HADH: variants seen among roughly 807,000 people sequenced by gnomAD.
HADH encodes hydroxyacyl-CoA dehydrogenase.
HADH carries 24 observed loss-of-function variants against 32.2 expected under a neutral mutation model. That is an observed-to-expected ratio of 0.75 (90% CI 0.54 to 1.05). The LOEUF (loss-of-function observed/expected upper bound fraction) is 1.05, where lower values mean the gene tolerates loss of function less well. Ranked by LOEUF, HADH falls within the 50% of genes least tolerant of loss-of-function variation. The probability of loss-of-function intolerance (pLI) is 0.00; values close to 1 mark genes in which losing one functional copy is unlikely to be tolerated. For synonymous variants in HADH, 139 were observed against 152.5 expected, an observed-to-expected ratio of 0.91 and a Z score of 0.65; for missense variants, 350 against 397.1, an observed-to-expected ratio of 0.88 and a Z score of 1.01.
At chr4:107,990,788 A>G (rs930305070) in intron 1 of HADH, among the ~76,000 whole-genome samples, 1 of 116,662 alleles carries the variant, frequency 8.6e-6, no homozygotes, top group Non-Finnish European at 1.6e-5. Context: ...TCTTTGACCC[A>G]GGCTGGAGTG....
At position 108,033,231 on chromosome 4, in the gene HADH, C is replaced by G. The variant is rs1736338876; in HGVS notation, c.765C>G (p.Pro255=). Residue 255 remains proline, a synonymous_variant, in exon 7 of 8, where the codon CCC becomes CCG. Transcript: ENST00000309522. ...CTATGAAATTAGGAGCCGGTTACCC[C>G]ATGGGCCCATTTGAGCTTCTAGATT... ...DTAMKLGAGY[P]MGPFELLDYV... The G allele has an allele frequency of 6.2e-7, 1 of 1,610,672 alleles. No individual in the cohort carries two copies. The highest frequency in any genetic ancestry group is 1.3e-5 in the African/African-American group (1 of 74,834).
At chr4:108,032,149 T>A (rs1317386517) in intron 6 of HADH, 4 of 479,676 alleles carry the variant, frequency 8.3e-6, no homozygotes, top group Non-Finnish European at 1.5e-5. Flanking sequence ...TTTGATCTGA[T>A]TGACTTCTTA....
chr4:108,015,814 T>C (rs3796990), intron 3 of HADH, among the ~76,000 whole-genome samples: 131,854 of 152,138 alleles, frequency 0.87, 58,019 homozygotes, highest in East Asian at 0.97. Flanking sequence ...CATTTCACAC[T>C]GGCATCTAGA....
intron 3 of HADH, among the ~76,000 whole-genome samples, chr4:108,017,829 G>T (rs1742697379): frequency 6.6e-6 from 1 of 152,192 alleles, no homozygotes; most frequent in Non-Finnish European, 1.5e-5. Flanking sequence ...TATTACAAGT[G>T]TGAGCCACCG....
intron 1 of HADH, among the ~76,000 whole-genome samples, chr4:107,995,398 A>G (rs957303837): frequency 6.6e-6 from 1 of 152,216 alleles, no homozygotes; most frequent in Admixed American, 6.5e-5. Context: ...TAACTGTCTG[A>G]TAAATATTAG....
At chr4:108,007,693 C>T (rs536324453) in intron 1 of HADH, among the ~76,000 whole-genome samples, 23 of 152,134 alleles carry the variant, frequency 1.5e-4, no homozygotes, top group Non-Finnish European at 3.4e-4. Flanking sequence ...ACTAACGCAC[C>T]AGTAGGAGAT....
chr4:108,003,029 A>G, intron 1 of HADH, among the ~76,000 whole-genome samples: 1 of 151,696 alleles, frequency 6.6e-6, no homozygotes, highest in South Asian at 2.1e-4. Context: ...ATGACAGATC[A>G]GGAAACCAAG....
Position 108,035,068 on chromosome 4 carries a change from TAAC to T in HADH, c.*714_*716del, listed in dbSNP as rs1371691995. On this transcript the variant is annotated 3_prime_UTR_variant, in exon 8 of 8. Coordinates refer to ENST00000309522, the MANE Select transcript of HADH (RefSeq NM_005327.7). Reference sequence around the variant, plus strand: ...TGCCTATAAATTGACTCTACTAAAATAACAATGTTTCAGTCTGAAAATTTGAAT... The same window carrying T: ...TGCCTATAAATTGACTCTACTAAAATAATGTTTCAGTCTGAAAATTTGAAT... 2 of 152,646 alleles carry T rather than the reference TAAC, an allele frequency of 1.3e-5. No homozygotes were observed. The highest frequency in any genetic ancestry group is 1.5e-5 in the Non-Finnish European group (1 of 68,288). 9.5% of individuals were successfully genotyped at this position (152,646 alleles called of 1,614,324 possible).
At chr4:108,027,535 G>C in intron 5 of HADH, 153 bp from the exon 6 acceptor site, 1 of 703,452 alleles carries the variant, frequency 1.4e-6, no homozygotes, top group East Asian at 2.6e-5. Context: ...ATATGAGATA[G>C]AAATAAGGCC....
intron 3 of HADH, among the ~76,000 whole-genome samples, chr4:108,017,713 C>G (rs1182996529): frequency 6.6e-6 from 1 of 152,110 alleles, no homozygotes; most frequent in Non-Finnish European, 1.5e-5. Context: ...CGCTACCATG[C>G]CCAGCTAATT....
chr4:108,002,918 C>G (rs527918682), intron 1 of HADH, among the ~76,000 whole-genome samples: 1 of 152,176 alleles, frequency 6.6e-6, no homozygotes, highest in South Asian at 2.1e-4. Flanking sequence ...AAGCTTTGTG[C>G]ACCTTCACAT....
intron 2 of HADH, among the ~76,000 whole-genome samples, chr4:108,011,505 G>C (rs1268739526): frequency 2.6e-5 from 4 of 152,162 alleles, no homozygotes; most frequent in Non-Finnish European, 5.9e-5. Flanking sequence ...TTCAGGGTGA[G>C]ATCTGGGTGG....
chr4:107,990,562 TC>T (rs930400178), intron 1 of HADH, among the ~76,000 whole-genome samples: 1 of 152,162 alleles, frequency 6.6e-6, no homozygotes, highest in Non-Finnish European at 1.5e-5. Flanking sequence ...CTCCCGGCTC[TC>T]CCCGGTCTTT....
rs577954688 is a variant in HADH, at chr4:108,033,275, C to T, written c.809C>T (p.Thr270Met). Residue 270 changes from threonine to methionine, a missense_variant, in exon 7 of 8, where the codon ACG becomes ATG. By Grantham distance (81) the Thr-to-Met change is moderately conservative. Coordinates refer to ENST00000309522, the MANE Select transcript of HADH (RefSeq NM_005327.7). ...ELLDYVGLDT[T>M]KFIVDGWHEM... ...CTAGATTATGTCGGACTGGATACTA[C>T]GAAGTTCATCGTGGATGGTAGGAAT... 61 of 1,544,530 alleles carry T rather than the reference C, an allele frequency of 3.9e-5. No homozygotes were observed. In the Admixed American group the frequency reaches 6.5e-4, roughly 16 times the overall value.
At chr4:108,016,023 C>G (rs768578858) in intron 3 of HADH, among the ~76,000 whole-genome samples, 1 of 152,056 alleles carries the variant, frequency 6.6e-6, no homozygotes, top group Non-Finnish European at 1.5e-5. Flanking sequence ...AGAGGACTTT[C>G]CTGTTTTGAG....
At chr4:108,032,387 C>T in intron 6 of HADH, 2 of 1,579,000 alleles carry the variant, frequency 1.3e-6, no homozygotes, top group Non-Finnish European at 1.7e-6. Flanking sequence ...GGTATCTTGA[C>T]TAAAAGGTTT....
chr4:108,002,146 G>A (rs1432346872), intron 1 of HADH, among the ~76,000 whole-genome samples: 1 of 152,160 alleles, frequency 6.6e-6, no homozygotes, highest in Non-Finnish European at 1.5e-5. Flanking sequence ...AGGACACAGT[G>A]CTCGTCCCCT....
chr4:108,032,454 G>A, intron 6 of HADH: 1 of 802,290 alleles, frequency 1.2e-6, no homozygotes, highest in South Asian at 1.5e-5. Context: ...AAAAACTGGG[G>A]GAAAGAATAC....
intron 6 of HADH, 27 bp downstream of exon 6, chr4:108,027,787 A>T: frequency 8.5e-6 from 11 of 1,300,222 alleles, no homozygotes; most frequent in Non-Finnish European, 1.1e-5. Context: ...GGCCAGGAGC[A>T]GCAGACCTCA....
Sources: gnomAD v4.1 joint callset for allele counts (sites outside exome capture counted in the v4.1 genomes callset) on GRCh38, gnomAD v4.1.1 for gene constraint, MANE v1.5 for transcripts, NCBI Gene and HGNC (gene_info 2026-07-23, HGNC 2026-07-21) for gene names.